MPDZ: variants seen among roughly 807,000 people sequenced by gnomAD.
MPDZ encodes multiple PDZ domain crumbs cell polarity complex component.
In MPDZ, 234 loss-of-function variants were observed where a neutral mutation model predicts 239.1. That is an observed-to-expected ratio of 0.98 (90% CI 0.88 to 1.09). The LOEUF is 1.09. MPDZ is among the 50% of genes least tolerant of loss of function. The pLI, the probability that MPDZ is intolerant of heterozygous loss-of-function variation, is 0.00. For missense variants in MPDZ, 3,175 were observed against 2,510.0 expected, an observed-to-expected ratio of 1.26 and a Z score of -5.66; for synonymous variants, 1,048 against 881.3, an observed-to-expected ratio of 1.19 and a Z score of -3.35.
At chr9:13,244,543 A>G (rs773918901) in intron 3 of MPDZ, among the ~76,000 whole-genome samples, 8 of 152,154 alleles carry the variant, frequency 5.3e-5, no homozygotes, top group Admixed American at 3.9e-4. Context: ...AGAACAATAC[A>G]CAATGTGGCA....
intron 34 of MPDZ, 23 bp from the exon 35 acceptor site, chr9:13,125,413 G>A (rs1325710411): frequency 1.2e-6 from 2 of 1,600,390 alleles, no homozygotes; most frequent in Non-Finnish European, 1.7e-6. Flanking sequence ...ATGTGTGGAA[G>A]AGAAACAAAA....
rs1045881817 is a variant in MPDZ, at chr9:13,216,036, G to A, written c.1290+738C>T. 4.8e-5 allele frequency among the ~76,000 whole-genome samples: 7 copies of A among 145,726 alleles called. No individual in the cohort carries two copies. In the East Asian group the frequency reaches 1.2e-3, roughly 26 times the overall value. On this transcript the variant is annotated intron_variant, in intron 10 of 46. Transcript: ENST00000319217. ...ACCAGCTCAGTGAAGACACCCAGCT[G>A]TCTTCAATTTTTCTATGTGCACTGT... is the stretch of plus-strand genomic sequence containing the variant.
Position 13,128,752 on chromosome 9 carries a change from T to G in MPDZ, c.4465-1980A>C, listed in dbSNP as rs893905221. 3.2e-4 allele frequency among the ~76,000 whole-genome samples: 49 copies of G among 152,168 alleles called. 2 individuals are homozygous for G. Among genetic ancestry groups the G allele is most frequent in the Non-Finnish European group, 1.5e-5 (1 of 68,030 alleles). On this transcript the variant is annotated intron_variant, in intron 32 of 46. Transcript: ENST00000319217. ...ATTCAATTAGGATGAATCTTGGAACTTTTGCTCAGAAGGCTTGAACAGCCA... is the reference window on the plus strand; with the variant it reads ...ATTCAATTAGGATGAATCTTGGAACGTTTGCTCAGAAGGCTTGAACAGCCA...
intron 1 of MPDZ, among the ~76,000 whole-genome samples, chr9:13,262,390 C>T (rs1195512118): frequency 6.6e-6 from 1 of 152,038 alleles, no homozygotes; most frequent in Non-Finnish European, 1.5e-5. Context: ...GTAGAGGCTG[C>T]AGTGACATGT....
At chr9:13,236,331 G>C (rs1964051029) in intron 3 of MPDZ, among the ~76,000 whole-genome samples, 1 of 135,544 alleles carries the variant, frequency 7.4e-6, no homozygotes, top group Non-Finnish European at 1.6e-5. Context: ...AGGCTGGAGT[G>C]CGATGGCACA....
chr9:13,249,104 TCACACACACACACACACA>T (rs199752806), intron 2 of MPDZ, among the ~76,000 whole-genome samples: 1 of 145,808 alleles, frequency 6.9e-6, no homozygotes, highest in Non-Finnish European at 1.5e-5. Context: ...GATCATGGGT[TCACACACACACACACACA>T]CACACACACA....
In MPDZ at chr9:13,262,402, A is replaced by T. The variant is rs146525087; in HGVS notation, c.-57-12030T>A. On this transcript the variant is annotated intron_variant, in intron 1 of 46. Coordinates refer to ENST00000319217, the MANE Select transcript of MPDZ (RefSeq NM_001378778.1). The stretch of plus-strand genomic sequence containing the variant: ...GTGGTAGAGGCTGCAGTGACATGTA[A>T]TCGCACCACTGCACTTCAGTCTGGG... Among the ~76,000 whole-genome samples the T allele has an allele frequency of 4.1e-3, 621 of 152,244 alleles. 2 individuals carry two copies. Among genetic ancestry groups the T allele is most frequent in the Middle Eastern group, 6.8e-3 (2 of 294 alleles).
intron 39 of MPDZ, among the ~76,000 whole-genome samples, 191 bp from the exon 40 acceptor site, chr9:13,115,525 T>C (rs1943261176): frequency 6.6e-6 from 1 of 152,106 alleles, no homozygotes; most frequent in Non-Finnish European, 1.5e-5. Context: ...ATAAAAATAA[T>C]CAGCAGCAGC....
chr9:13,182,549 C>T (rs1316737878), intron 19 of MPDZ, among the ~76,000 whole-genome samples: 2 of 151,802 alleles, frequency 1.3e-5, no homozygotes, highest in Non-Finnish European at 2.9e-5. Flanking sequence ...CTTTGCATAT[C>T]AATTTCCAAA....
chr9:13,151,940 A>T (rs1949231449), intron 24 of MPDZ, among the ~76,000 whole-genome samples: 1 of 152,124 alleles, frequency 6.6e-6, no homozygotes, highest in Non-Finnish European at 1.5e-5. Flanking sequence ...GTCTTATAGA[A>T]TCTGATATTA....
intron 3 of MPDZ, among the ~76,000 whole-genome samples, chr9:13,241,608 A>G (rs1042288515): frequency 6.6e-6 from 1 of 152,168 alleles, no homozygotes; most frequent in African/African-American, 2.4e-5. Context: ...ATAAGAAGAG[A>G]GGGAAACACA....
At chr9:13,158,566 T>C (rs753095533) in intron 23 of MPDZ, among the ~76,000 whole-genome samples, 3 of 152,160 alleles carry the variant, frequency 2.0e-5, no homozygotes, top group Non-Finnish European at 4.4e-5. Context: ...AAGAGTTTAG[T>C]ATCTCTGCTT....
chr9:13,276,393 C>T (rs769055819), intron 1 of MPDZ, among the ~76,000 whole-genome samples: 4 of 152,108 alleles, frequency 2.6e-5, no homozygotes, highest in African/African-American at 4.8e-5. Context: ...CCGAACTGTA[C>T]TTATATAAAT....
chr9:13,109,141 C>T (rs1941994591), intron 45 of MPDZ, 82 bp from the exon 46 acceptor site: 1 of 1,086,154 alleles, frequency 9.2e-7, no homozygotes, highest in Middle Eastern at 3.5e-4. Flanking sequence ...CTGACATCCA[C>T]CTAGAGCTAG....
chr9:13,180,600 T>A (rs1039151229), intron 19 of MPDZ, among the ~76,000 whole-genome samples: 1 of 152,154 alleles, frequency 6.6e-6, no homozygotes, highest in African/African-American at 2.4e-5. Flanking sequence ...GTCTGCCAAT[T>A]TAAAAACCAA....
In MPDZ at chr9:13,134,229, T is replaced by C. The variant is rs1257907986; in HGVS notation, c.4384-325A>G. ...TTTACTGTATAATGAAAACCGATGG[T>C]AGCCCAGCTAACAAATGGTGAAACT... On this transcript the variant is annotated intron_variant, in intron 31 of 46. Coordinates refer to ENST00000319217, the MANE Select transcript of MPDZ (RefSeq NM_001378778.1). 3 of 155,056 alleles carry C rather than the reference T, an allele frequency of 1.9e-5. 1 individual carries two copies. Among genetic ancestry groups the C allele is most frequent in the Non-Finnish European group, 4.3e-5 (3 of 70,018 alleles). 9.6% of individuals were successfully genotyped at this position (155,056 alleles called of 1,614,324 possible). A position where few individuals can be genotyped will look rare whatever the true frequency, so the allele number is the denominator to read the frequency against.
chr9:13,159,285 C>G (rs1331671), intron 23 of MPDZ, among the ~76,000 whole-genome samples: 1 of 152,104 alleles, frequency 6.6e-6, no homozygotes, highest in Non-Finnish European at 1.5e-5. Flanking sequence ...AATAAAATCT[C>G]TTTGCTATAG....
At chr9:13,229,555 T>C (rs915915341) in intron 3 of MPDZ, among the ~76,000 whole-genome samples, 13 of 149,378 alleles carry the variant, frequency 8.7e-5, no homozygotes, top group African/African-American at 3.2e-4. Flanking sequence ...CAACCTAGAT[T>C]TTTCATGCCA....
intron 12 of MPDZ, among the ~76,000 whole-genome samples, chr9:13,201,814 T>TA (rs1956423096): frequency 6.6e-6 from 1 of 152,144 alleles, no homozygotes. Context: ...AAATAAAAGA[T>TA]ACAGTGAAAC....
Sources: gnomAD v4.1 joint callset for allele counts (sites outside exome capture counted in the v4.1 genomes callset) on GRCh38, gnomAD v4.1.1 for gene constraint, MANE v1.5 for transcripts, NCBI Gene and HGNC (gene_info 2026-07-23, HGNC 2026-07-21) for gene names.